ZNF892: variants seen among roughly 807,000 people sequenced by gnomAD.
ZNF892 encodes zinc finger protein 570-like.
At chr2:95,261,339 G>C in the ZNF892 span, among the ~76,000 whole-genome samples, 1 of 150,176 alleles carries the variant, frequency 6.7e-6, no homozygotes, top group Admixed American at 6.6e-5. Flanking sequence ...TTTTTGCCCA[G>C]GCTGCAGTGC....
At chr2:95,221,723 G>T in the ZNF892 span, among the ~76,000 whole-genome samples, 1 of 151,894 alleles carries the variant, frequency 6.6e-6, no homozygotes, top group Non-Finnish European at 1.5e-5. Flanking sequence ...TCCTCTCTTG[G>T]TAATGTTTCT....
the ZNF892 span, among the ~76,000 whole-genome samples, chr2:95,233,566 A>G: frequency 1.4e-5 from 2 of 144,210 alleles, no homozygotes; most frequent in Non-Finnish European, 3.0e-5. Context: ...CCAGCTACTC[A>G]GGAGGCTGAG....
chr2:95,254,914 G>A, the ZNF892 span, among the ~76,000 whole-genome samples: 1 of 152,146 alleles, frequency 6.6e-6, no homozygotes, highest in African/African-American at 2.4e-5. Flanking sequence ...ATTTCTGTGG[G>A]ATCGGTGGTG....
chr2:95,251,176 C>T, the ZNF892 span, among the ~76,000 whole-genome samples: 1 of 152,106 alleles, frequency 6.6e-6, no homozygotes, highest in Admixed American at 6.6e-5. Flanking sequence ...TAGATATGAA[C>T]ATACAAATGC....
At chr2:95,242,975 G>A in the ZNF892 span, among the ~76,000 whole-genome samples, 5 of 152,166 alleles carry the variant, frequency 3.3e-5, no homozygotes, top group African/African-American at 9.7e-5. Flanking sequence ...TCAGCCTGCC[G>A]AGTGTCTGCG....
At chr2:95,240,555 C>G in the ZNF892 span, among the ~76,000 whole-genome samples, 3 of 152,186 alleles carry the variant, frequency 2.0e-5, no homozygotes, top group Non-Finnish European at 2.9e-5. Flanking sequence ...ACACAGAGAC[C>G]CAGGAGTTTT....
chr2:95,225,687 A>G, the ZNF892 span, among the ~76,000 whole-genome samples: 4 of 152,194 alleles, frequency 2.6e-5, no homozygotes, highest in East Asian at 1.9e-4. Context: ...TTCCATCCCA[A>G]TATCCCCAAA....
chr2:95,235,817 T>G, the ZNF892 span, among the ~76,000 whole-genome samples: 2 of 152,078 alleles, frequency 1.3e-5, no homozygotes, highest in African/African-American at 4.8e-5. Flanking sequence ...TGACTCCAAA[T>G]CAGAAGGGCG....
At chr2:95,210,231 G>GTA in the ZNF892 span, among the ~76,000 whole-genome samples, 2 of 148,898 alleles carry the variant, frequency 1.3e-5, no homozygotes, top group African/African-American at 4.9e-5. Flanking sequence ...ATATATATGT[G>GTA]TATATATGTA....
At chr2:95,254,967 T>C in the ZNF892 span, among the ~76,000 whole-genome samples, 3 of 152,164 alleles carry the variant, frequency 2.0e-5, no homozygotes, top group Non-Finnish European at 2.9e-5. Flanking sequence ...TTGATTCTTC[T>C]CTTTCTTCTT....
At chr2:95,262,314 G>A in the ZNF892 span, among the ~76,000 whole-genome samples, 2 of 152,118 alleles carry the variant, frequency 1.3e-5, no homozygotes, top group African/African-American at 4.8e-5. Context: ...ACAGAGGATG[G>A]CATTGAAGGC....
At chr2:95,214,835 C>T in the ZNF892 span, 143 of 491,248 alleles carry the variant, frequency 2.9e-4, no homozygotes, top group Non-Finnish European at 1.5e-5. Context: ...TTACTCTGCA[C>T]CAGAGAATTC....
the ZNF892 span, chr2:95,215,381 T>C: frequency 4.4e-6 from 2 of 450,910 alleles, no homozygotes; most frequent in South Asian, 7.2e-5. Context: ...AATGTAAAGA[T>C]TGTGGAAAAG....
chr2:95,241,217 C>T, the ZNF892 span, among the ~76,000 whole-genome samples: 2 of 152,304 alleles, frequency 1.3e-5, no homozygotes, highest in Middle Eastern at 3.4e-3. Flanking sequence ...TGGGTGAAAC[C>T]CCCCCAACAA....
the ZNF892 span, among the ~76,000 whole-genome samples, chr2:95,223,532 G>A: frequency 9.2e-5 from 14 of 152,084 alleles, no homozygotes; most frequent in African/African-American, 3.4e-4. Flanking sequence ...TCGAGTAGCT[G>A]GGATTACAGG....
At chr2:95,229,360 T>C in the ZNF892 span, among the ~76,000 whole-genome samples, 12 of 152,138 alleles carry the variant, frequency 7.9e-5, 1 homozygote, top group African/African-American at 2.9e-4. Context: ...TAAACCCAGG[T>C]AACAACTAAC....
At chr2:95,250,750 C>CCATAAATTATAAATTTAT in the ZNF892 span, among the ~76,000 whole-genome samples, 1 of 139,532 alleles carries the variant, frequency 7.2e-6, no homozygotes, top group Non-Finnish European at 1.5e-5. Context: ...TATAAAATAT[C>CCATAAATTATAAATTTAT]CATAAATTAT....
chr2:95,228,871 A>C, the ZNF892 span, among the ~76,000 whole-genome samples: 3 of 152,084 alleles, frequency 2.0e-5, no homozygotes, highest in African/African-American at 7.2e-5. Flanking sequence ...CTCCCATTCT[A>C]TTCAAAGTTA....
the ZNF892 span, among the ~76,000 whole-genome samples, chr2:95,256,986 C>A: frequency 6.6e-6 from 1 of 152,094 alleles, no homozygotes; most frequent in Admixed American, 6.5e-5. Flanking sequence ...AATCTTTTTT[C>A]AAGGTTTTTA....
Sources: gnomAD v4.1 joint callset for allele counts (sites outside exome capture counted in the v4.1 genomes callset) on GRCh38, gnomAD v4.1.1 for gene constraint, MANE v1.5 for transcripts, NCBI Gene and HGNC (gene_info 2026-07-23, HGNC 2026-07-21) for gene names.